Variants in PLXDC2 observed in about 807,000 individuals in gnomAD.
PLXDC2 encodes plexin domain containing 2, also known as plexin domain-containing protein 2.
A neutral mutation model predicts 68.9 loss-of-function variants in PLXDC2; 40 were observed. The observed-to-expected ratio is 0.58, with a 90% CI of 0.45 to 0.76. PLXDC2 has a LOEUF of 0.76. Ranked by LOEUF, PLXDC2 falls within the 30% of genes least tolerant of loss-of-function variation. PLXDC2 has a pLI of 0.00. For missense variants in PLXDC2, 644 were observed against 661.9 expected (o/e 0.97, Z 0.30); for synonymous variants, 243 against 234.2 (o/e 1.04, Z -0.34).
At chr10:20,232,802 T>C (rs563862403) in intron 12 of PLXDC2, among the ~76,000 whole-genome samples, 1 of 152,146 alleles carries the variant, frequency 6.6e-6, no homozygotes, top group African/African-American at 2.4e-5. Flanking sequence ...ATGATTTGGG[T>C]GATGGTTACT....
chr10:19,933,344 G>A (rs1428797572), intron 1 of PLXDC2, among the ~76,000 whole-genome samples: 1 of 152,104 alleles, frequency 6.6e-6, no homozygotes, highest in South Asian at 2.1e-4. Flanking sequence ...AATTAGAGCA[G>A]TTAAAACACA....
At chr10:19,963,974 T>C (rs1243001923) in intron 1 of PLXDC2, among the ~76,000 whole-genome samples, 1 of 152,122 alleles carries the variant, frequency 6.6e-6, no homozygotes, top group Non-Finnish European at 1.5e-5. Context: ...TTCTAAAATG[T>C]GTAAGTGCAA....
At chr10:20,129,004 G>A (rs1311176593) in intron 4 of PLXDC2, among the ~76,000 whole-genome samples, 1 of 152,132 alleles carries the variant, frequency 6.6e-6, no homozygotes, top group Non-Finnish European at 1.5e-5. Context: ...ATACTCAGAA[G>A]TGGAATTGCT....
chr10:20,215,776 A>C (rs148423441), intron 10 of PLXDC2, among the ~76,000 whole-genome samples: 40 of 152,294 alleles, frequency 2.6e-4, no homozygotes, highest in African/African-American at 9.1e-4. Flanking sequence ...ATGCTGATTC[A>C]CTAAGAAATT....
chr10:20,158,501 C>CAAAAAAAAAAAAAAAAAAAAAAAAAAAA (rs59079629), intron 6 of PLXDC2, among the ~76,000 whole-genome samples: 2 of 118,776 alleles, frequency 1.7e-5, no homozygotes, highest in African/African-American at 3.1e-5. Flanking sequence ...TCTGTCTCTG[C>CAAAAAAAAAAAAAAAAAAAAAAAAAAAA]AAAAAAAAAA....
rs1836060152 is a variant in PLXDC2, at chr10:20,279,940, GAAGAAGAC to G, written c.*126_*133del. ...AACAAGCTCTAAGCTGCTGTAGCCT[GAAGAAGAC>G]AAGATTTCTGGACAAGCTCAGCCCA... On this transcript the variant is annotated 3_prime_UTR_variant, in exon 14 of 14. Transcript: ENST00000377252. 1 of 735,576 alleles carries G rather than the reference GAAGAAGAC, an allele frequency of 1.4e-6. No homozygotes were observed. Among genetic ancestry groups the G allele is most frequent in the East Asian group, 2.5e-5 (1 of 39,558 alleles). 45.6% of individuals were successfully genotyped at this position (735,576 alleles called of 1,614,324 possible).
chr10:20,063,151 G>T (rs1836135513), intron 3 of PLXDC2, among the ~76,000 whole-genome samples: 1 of 152,052 alleles, frequency 6.6e-6, no homozygotes, highest in East Asian at 1.9e-4. Context: ...AAAAACTAAT[G>T]ATTAATTTAT....
At chr10:20,071,749 GC>G (rs1836319282) in intron 4 of PLXDC2, among the ~76,000 whole-genome samples, 1 of 152,204 alleles carries the variant, frequency 6.6e-6, no homozygotes, top group Non-Finnish European at 1.5e-5. Flanking sequence ...TGCTGAAAGA[GC>G]AGGAGCTTGC....
chr10:20,248,730 T>C (rs149713988), intron 13 of PLXDC2, among the ~76,000 whole-genome samples: 165 of 152,350 alleles, frequency 1.1e-3, no homozygotes, highest in African/African-American at 3.7e-3. Flanking sequence ...AGATCCACAA[T>C]GACCATGGTT....
chr10:20,164,630 G>A (rs1006129837), intron 7 of PLXDC2, 63 bp downstream of exon 7: 7 of 1,250,770 alleles, frequency 5.6e-6, no homozygotes. Flanking sequence ...AAAGGAGATT[G>A]GTCTATGGCA....
intron 4 of PLXDC2, among the ~76,000 whole-genome samples, chr10:20,128,635 C>T (rs1195898247): frequency 6.6e-6 from 1 of 152,032 alleles, no homozygotes; most frequent in Admixed American, 6.6e-5. Context: ...AAACCTTATA[C>T]CCTTTAGCCA....
chr10:20,259,323 A>T (rs1276670454), intron 13 of PLXDC2, among the ~76,000 whole-genome samples: 2 of 152,240 alleles, frequency 1.3e-5, no homozygotes, highest in Admixed American at 6.5e-5. Flanking sequence ...GTGATTTAAC[A>T]GTAAATGCAA....
intron 4 of PLXDC2, among the ~76,000 whole-genome samples, chr10:20,121,021 G>A (rs1467819529): frequency 6.6e-6 from 1 of 152,174 alleles, no homozygotes; most frequent in Non-Finnish European, 1.5e-5. Context: ...GGTGTCAGTT[G>A]TGGTATCAGG....
intron 4 of PLXDC2, among the ~76,000 whole-genome samples, chr10:20,110,950 C>T (rs1833552678): frequency 6.6e-6 from 1 of 152,186 alleles, no homozygotes; most frequent in Non-Finnish European, 1.5e-5. Context: ...CTCCAGTCAC[C>T]TCTGACACCT....
intron 1 of PLXDC2, among the ~76,000 whole-genome samples, chr10:19,884,432 C>T (rs1564618712): frequency 6.6e-6 from 1 of 151,932 alleles, no homozygotes; most frequent in Non-Finnish European, 1.5e-5. Context: ...ATACATGTGA[C>T]ATGCTGGTGC....
At chr10:20,006,723 T>C (rs904949851) in intron 2 of PLXDC2, among the ~76,000 whole-genome samples, 1 of 152,226 alleles carries the variant, frequency 6.6e-6, no homozygotes, top group African/African-American at 2.4e-5. Flanking sequence ...AATGGAAGGA[T>C]TGTAAAACTT....
intron 1 of PLXDC2, among the ~76,000 whole-genome samples, chr10:19,978,566 G>T (rs1027338773): frequency 2.0e-5 from 3 of 152,158 alleles, no homozygotes; most frequent in African/African-American, 4.8e-5. Context: ...TTTCACCCCA[G>T]TTCTGATGTC....
intron 1 of PLXDC2, among the ~76,000 whole-genome samples, chr10:19,865,715 A>G (rs1439924333): frequency 6.6e-6 from 1 of 152,220 alleles, no homozygotes; most frequent in Non-Finnish European, 1.5e-5. Flanking sequence ...GAGACCTTAA[A>G]AATGGAAAAT....
At chr10:20,250,578 A>G (rs1382815693) in intron 13 of PLXDC2, among the ~76,000 whole-genome samples, 1 of 152,218 alleles carries the variant, frequency 6.6e-6, no homozygotes, top group Non-Finnish European at 1.5e-5. Flanking sequence ...GCATTTGGTC[A>G]GTAGTGGAGT....
Sources: allele counts gnomAD v4.1 joint callset (sites outside exome capture counted in the v4.1 genomes callset), GRCh38; gene constraint gnomAD v4.1.1; transcripts MANE v1.5; gene names NCBI Gene and HGNC (gene_info 2026-07-23, HGNC 2026-07-21).